The following ABTB3 variants were observed in gnomAD, a reference collection of about 807,000 sequenced individuals.
ABTB3 encodes the protein ankyrin repeat and BTB domain containing 3, also known as ankyrin repeat- and BTB/POZ domain-containing protein 3.
the ABTB3 span, among the ~76,000 whole-genome samples, chr12:107,599,485 CATT>C: frequency 1.1e-3 from 171 of 152,334 alleles, no homozygotes; most frequent in African/African-American, 3.8e-3. Flanking sequence ...GTGAAATCAG[CATT>C]ATTGTCTACT....
At chr12:107,552,041 C>T in the ABTB3 span, among the ~76,000 whole-genome samples, 37 of 152,270 alleles carry the variant, frequency 2.4e-4, no homozygotes, top group African/African-American at 7.9e-4. Flanking sequence ...CGTGAGCCAC[C>T]GTGCCCAGCC....
chr12:107,628,763 C>A, the ABTB3 span, among the ~76,000 whole-genome samples: 6 of 152,172 alleles, frequency 3.9e-5, no homozygotes, highest in Non-Finnish European at 7.3e-5. Flanking sequence ...GATACATTCT[C>A]TTTTAGCCCT....
chr12:107,526,422 G>A, the ABTB3 span, among the ~76,000 whole-genome samples: 4 of 152,050 alleles, frequency 2.6e-5, no homozygotes, highest in Admixed American at 1.3e-4. Flanking sequence ...GGAGAAGCAG[G>A]TCCACCCAAT....
chr12:107,468,299 C>G, the ABTB3 span, among the ~76,000 whole-genome samples: 1 of 152,172 alleles, frequency 6.6e-6, no homozygotes. Flanking sequence ...TTCTGTGGGC[C>G]TGGCAGGAGG....
the ABTB3 span, among the ~76,000 whole-genome samples, chr12:107,578,748 G>T: frequency 6.6e-6 from 1 of 152,182 alleles, no homozygotes; most frequent in African/African-American, 2.4e-5. Flanking sequence ...TTCAGTTTAG[G>T]TGATGGAGAG....
At chr12:107,445,499 G>C in the ABTB3 span, among the ~76,000 whole-genome samples, 17 of 152,294 alleles carry the variant, frequency 1.1e-4, no homozygotes, top group Admixed American at 2.6e-4. Context: ...ATGCTGAGGA[G>C]TGGTGCCCAG....
the ABTB3 span, among the ~76,000 whole-genome samples, chr12:107,597,654 G>A: frequency 6.6e-6 from 1 of 152,174 alleles, no homozygotes; most frequent in Non-Finnish European, 1.5e-5. Context: ...TATTTTCTGA[G>A]TTCATGTATT....
At chr12:107,383,984 G>A in the ABTB3 span, among the ~76,000 whole-genome samples, 1 of 152,098 alleles carries the variant, frequency 6.6e-6, no homozygotes, top group Non-Finnish European at 1.5e-5. Flanking sequence ...AGGTGTGCAG[G>A]CATCCACCTA....
chr12:107,496,966 C>T, the ABTB3 span, among the ~76,000 whole-genome samples: 1 of 152,132 alleles, frequency 6.6e-6, no homozygotes, highest in South Asian at 2.1e-4. Context: ...ACCCTCTAGC[C>T]CTAGGTGTGA....
the ABTB3 span, among the ~76,000 whole-genome samples, chr12:107,528,603 A>C: frequency 1.3e-5 from 2 of 152,320 alleles, no homozygotes; most frequent in South Asian, 2.1e-4. Flanking sequence ...CATGACACTG[A>C]CAAGGGAAGC....
At chr12:107,638,609 GAGTCA>G in the ABTB3 span, among the ~76,000 whole-genome samples, 1 of 152,192 alleles carries the variant, frequency 6.6e-6, no homozygotes, top group East Asian at 1.9e-4. Flanking sequence ...TCTGCAACAG[GAGTCA>G]AGGCGTTCTT....
At chr12:107,326,253 A>G in the ABTB3 span, among the ~76,000 whole-genome samples, 54 of 152,344 alleles carry the variant, frequency 3.5e-4, no homozygotes, top group Non-Finnish European at 7.6e-4. Context: ...AGCTTAACAC[A>G]ATAGAAATTC....
At chr12:107,605,172 T>A in the ABTB3 span, among the ~76,000 whole-genome samples, 1 of 152,214 alleles carries the variant, frequency 6.6e-6, no homozygotes, top group African/African-American at 2.4e-5. Flanking sequence ...TGTAATTGAT[T>A]TTTTTTAAAA....
the ABTB3 span, among the ~76,000 whole-genome samples, chr12:107,446,185 C>T: frequency 6.6e-6 from 1 of 152,062 alleles, no homozygotes; most frequent in East Asian, 1.9e-4. Flanking sequence ...AAACACGGCG[C>T]TGAGTGCATG....
At chr12:107,319,940 C>A in the ABTB3 span, 1 of 1,551,922 alleles carries the variant, frequency 6.4e-7, no homozygotes, top group East Asian at 2.5e-5. Flanking sequence ...CAACCACCAC[C>A]ATCACCACCA....
chr12:107,617,284 C>G, the ABTB3 span: 3 of 1,614,036 alleles, frequency 1.9e-6, no homozygotes, highest in Non-Finnish European at 2.5e-6. Flanking sequence ...ATAAAACCCC[C>G]TTCTCTGGGC....
chr12:107,653,702 A>G, the ABTB3 span, among the ~76,000 whole-genome samples: 1 of 152,176 alleles, frequency 6.6e-6, no homozygotes, highest in African/African-American at 2.4e-5. Flanking sequence ...GTCCCATGTC[A>G]TAAGGAGACC....
the ABTB3 span, among the ~76,000 whole-genome samples, chr12:107,324,733 GAC>G: frequency 6.6e-6 from 1 of 150,580 alleles, no homozygotes; most frequent in East Asian, 1.9e-4. Context: ...TTAAAAAAAA[GAC>G]ACACCAAAAA....
chr12:107,647,298 C>G, the ABTB3 span, among the ~76,000 whole-genome samples: 9 of 152,130 alleles, frequency 5.9e-5, no homozygotes, highest in Non-Finnish European at 1.3e-4. Context: ...CCACTGCACT[C>G]CAGCCTGGGT....
Sources: gnomAD v4.1 joint callset for allele counts (sites outside exome capture counted in the v4.1 genomes callset) on GRCh38, gnomAD v4.1.1 for gene constraint, MANE v1.5 for transcripts, NCBI Gene and HGNC (gene_info 2026-07-23, HGNC 2026-07-21) for gene names.